CACNA1H: variants seen among roughly 807,000 people sequenced by gnomAD.
CACNA1H encodes calcium voltage-gated channel subunit alpha1 H, also known as voltage-dependent T-type calcium channel subunit alpha-1H.
In CACNA1H, 149 loss-of-function variants were observed where a neutral mutation model predicts 192.5. The ratio of observed to expected loss-of-function variants is 0.77; its 90% CI spans 0.68 to 0.89. The LOEUF (loss-of-function observed/expected upper bound fraction) is 0.89, where lower values mean the gene tolerates loss of function less well. Among genes scored for constraint, CACNA1H ranks in the 40% least tolerant of loss-of-function variants. The pLI, the probability that CACNA1H is intolerant of heterozygous loss-of-function variation, is 0.00. For synonymous variants in CACNA1H, 2,202 were observed against 1,475.2 expected (o/e 1.49, Z -11.29); for missense variants, 4,257 against 3,423.5 (o/e 1.24, Z -6.08).
rs899655295 is a variant in CACNA1H at position 1,220,641 on chromosome 16, G to A, written c.6709G>A (p.Gly2237Ser). 4 of 1,602,800 alleles carry A rather than the reference G, an allele frequency of 2.5e-6. No individual in the cohort carries two copies. Among genetic ancestry groups the A allele is most frequent in the Non-Finnish European group, 3.4e-6 (4 of 1,175,052 alleles). The change falls in exon 35 of 35, where the codon GGC becomes AGC. Residue 2237 changes from glycine (G) to serine (S), a missense_variant. Coordinates refer to ENST00000348261, the MANE Select transcript of CACNA1H (RefSeq NM_021098.3). ...CAGGGACTCCCTGGAGCCCACAGAG[G>A]GCTCAGGCGCCGGGGGGGACCCTGC... ...PHRDSLEPTE[G>S]SGAGGDPAAK...
rs544637947 is a variant in CACNA1H, at chr16:1,190,371, G to A, written c.300-4601G>A. Among the ~76,000 whole-genome samples the A allele has an allele frequency of 2.8e-3, 423 of 152,352 alleles. 2 individuals carry two copies. The highest frequency in any genetic ancestry group is 9.5e-3 in the African/African-American group (395 of 41,590). On this transcript the variant is annotated intron_variant, in intron 2 of 34. Coordinates refer to ENST00000348261, the MANE Select transcript of CACNA1H (RefSeq NM_021098.3). Reference sequence around the variant, plus strand: ...TCACCAGGCTCCGTGCGACACAGCCGGCAGACACTGCCTGTCCTCAGCTGC... The same window carrying A: ...TCACCAGGCTCCGTGCGACACAGCCAGCAGACACTGCCTGTCCTCAGCTGC...
At chr16:1,173,711 C>T (rs2151720065) in intron 2 of CACNA1H, among the ~76,000 whole-genome samples, 1 of 152,346 alleles carries the variant, frequency 6.6e-6, no homozygotes, top group East Asian at 1.9e-4. Context: ...GGGTGGGGCT[C>T]CCCGGCCGCC....
Position 1,201,782 on chromosome 16 carries a change from C to G in CACNA1H, c.1332C>G (p.Asp444Glu), listed in dbSNP as rs746803902. Residue 444 changes from aspartate to glutamate, a missense_variant, in exon 9 of 35, where the codon GAC becomes GAG. Coordinates refer to ENST00000348261, the MANE Select transcript of CACNA1H (RefSeq NM_021098.3). Reference protein sequence around the residue: ...REQRARHLSNDSTLASFSEPG... With the variant: ...REQRARHLSNESTLASFSEPG... ...AGCGGGCACGCCACCTGTCCAACGA[C>G]AGCACGCTGGCCAGCTTCTCCGAGC... The G allele has an allele frequency of 1.9e-6, 3 of 1,601,942 alleles. No individual in the cohort carries two copies. The highest frequency in any genetic ancestry group is 2.6e-6 in the Non-Finnish European group (3 of 1,175,356).
Position 1,211,975 on chromosome 16 carries a change from G to C in CACNA1H, c.4596G>C (p.Leu1532=), listed in dbSNP as rs1420324422. 1 of 1,613,390 alleles carries C rather than the reference G, an allele frequency of 6.2e-7. No homozygotes were observed. Among genetic ancestry groups the C allele is most frequent in the Admixed American group, 1.7e-5 (1 of 60,006 alleles). ...QPVQNHNPWM[L]LYFISFLLIV... is the part of the protein sequence containing the mutation. ...TGCAGAACCACAACCCCTGGATGCT[G>C]CTGTACTTCATCTCCTTCCTGCTCA... The change falls in exon 25 of 35, where the codon CTG becomes CTC. Residue 1532 remains leucine (L), a synonymous_variant. Coordinates refer to ENST00000348261, the MANE Select transcript of CACNA1H (RefSeq NM_021098.3).
At chr16:1,214,411 G>GC (rs1382522867) in intron 27 of CACNA1H, among the ~76,000 whole-genome samples, 3 of 152,154 alleles carry the variant, frequency 2.0e-5, no homozygotes, top group Non-Finnish European at 2.9e-5. Context: ...TTTGTGTGGA[G>GC]CCGAGGATGG....
intron 23 of CACNA1H, 25 bp downstream of exon 23, chr16:1,211,631 C>T (rs1567542190): frequency 3.1e-6 from 5 of 1,609,424 alleles, no homozygotes; most frequent in Middle Eastern, 1.7e-4. Context: ...CGGGCGGGAG[C>T]TGGGGGTCTC....
At chr16:1,215,469 C>T (rs568285237) in intron 29 of CACNA1H, 54 bp from the exon 30 acceptor site, 98 of 1,592,040 alleles carry the variant, frequency 6.2e-5, no homozygotes, top group South Asian at 3.7e-4. Flanking sequence ...CCAGGGTCCC[C>T]GCGCAGCAGG....
rs1341861751 is a variant in CACNA1H, at chr16:1,154,171, G to A, written c.299+135G>A. ...CCTGGCGTGGGCCGGGCGCGCGGGG[G>A]TGCAGGGCAGGGGCTGGAGGACCGC... On this transcript the variant is annotated intron_variant, in intron 2 of 34. Coordinates refer to ENST00000348261, the MANE Select transcript of CACNA1H (RefSeq NM_021098.3). The A allele has an allele frequency of 1.4e-5, 8 of 579,208 alleles. No homozygotes were observed. In the Admixed American group the frequency reaches 2.3e-4, roughly 17 times the overall value. The allele number at this position is 579,208 out of a possible 1,614,324, so 35.9% of individuals were successfully genotyped here. A position where few individuals can be genotyped will look rare whatever the true frequency, so the allele number is the denominator to read the frequency against.
rs776271153 is a variant in CACNA1H at position 1,217,022 on chromosome 16, C to G, written c.5323+12C>G. The G allele has an allele frequency of 3.4e-5, 53 of 1,576,902 alleles. No individual in the cohort carries two copies. The African/African-American group carries it at 5.5e-4, about 16-fold the overall frequency. On this transcript the variant is annotated intron_variant, in intron 31 of 34. Transcript: ENST00000348261. ...GTTCGGGAGGCTGGGTGAGTGGCTC[C>G]TGCGCCCTCCTCCTGGCACACATGG...
Position 1,211,162 on chromosome 16 carries a change from C to A in CACNA1H, c.4224-6C>A. The A allele has an allele frequency of 6.2e-7, 1 of 1,612,572 alleles. No homozygotes were observed. Among genetic ancestry groups the A allele is most frequent in the Non-Finnish European group, 8.5e-7 (1 of 1,179,692 alleles). The stretch of plus-strand genomic sequence containing the variant: ...TGACTGCAGTGTATCCTTCACTCCC[C>A]TCCAGGGTCATCAGCCGGGCCCCGG... On this transcript the variant is annotated splice_region_variant and splice_polypyrimidine_tract_variant and intron_variant, in intron 21 of 34. Coordinates refer to ENST00000348261, the MANE Select transcript of CACNA1H (RefSeq NM_021098.3).
Position 1,211,183 on chromosome 16 carries a change from C to T in CACNA1H, c.4239C>T (p.Ala1413=), listed in dbSNP as rs1278063942. 7 of 1,612,730 alleles carry T rather than the reference C, an allele frequency of 4.3e-6. No individual in the cohort carries two copies. Among genetic ancestry groups the T allele is most frequent in the Non-Finnish European group, 5.9e-6 (7 of 1,179,744 alleles). The change falls in exon 22 of 35, where the codon GCC becomes GCT. Residue 1413 remains alanine (A), a synonymous_variant. Coordinates refer to ENST00000348261, the MANE Select transcript of CACNA1H (RefSeq NM_021098.3). ...TLRPLRVISR[A]PGLKLVVETL... Reference sequence around the variant, plus strand: ...TCCCCTCCAGGGTCATCAGCCGGGCCCCGGGCCTCAAGCTGGTGGTGGAGA... The same window carrying T: ...TCCCCTCCAGGGTCATCAGCCGGGCTCCGGGCCTCAAGCTGGTGGTGGAGA...
intron 2 of CACNA1H, among the ~76,000 whole-genome samples, chr16:1,163,283 G>A (rs1963413369): frequency 6.6e-6 from 1 of 152,256 alleles, no homozygotes; most frequent in South Asian, 2.1e-4. Flanking sequence ...CCAGGTGGGT[G>A]TCGGGCGTTG....
rs115115002 is a variant in CACNA1H, at chr16:1,186,928, G to A, written c.300-8044G>A. On this transcript the variant is annotated intron_variant, in intron 2 of 34. Coordinates refer to ENST00000348261, the MANE Select transcript of CACNA1H (RefSeq NM_021098.3). ...GCGGTTCTGAGTGGGGGTGGACACG[G>A]ACACAGGGCTGGTTCCCGGGGATCT... Among the ~76,000 whole-genome samples the A allele has an allele frequency of 5.4e-3, 816 of 152,286 alleles. 7 individuals are homozygous for A. The highest frequency in any genetic ancestry group is 0.018 in the African/African-American group (749 of 41,558).
chr16:1,200,682 C>T (rs746527382), intron 7 of CACNA1H, 34 bp from the exon 8 acceptor site: 25 of 1,564,336 alleles, frequency 1.6e-5, no homozygotes, highest in Admixed American at 3.7e-5. Flanking sequence ...GAGGAGGGGT[C>T]GTGCGGGCCC....
Position 1,207,422 on chromosome 16 carries a change from C to G in CACNA1H, c.3055C>G (p.Gln1019Glu). ...GGTGGCCATCCTCGTGGAGGGCTTCCAGGCGGAGGTGAGGGGGCAGGGAGA... is the reference window on the plus strand; with the variant it reads ...GGTGGCCATCCTCGTGGAGGGCTTCGAGGCGGAGGTGAGGGGGCAGGGAGA... ...LLVAILVEGF[Q>E]AEGDANRSDT... The change falls in exon 14 of 35, where the codon CAG becomes GAG. Residue 1019 changes from glutamine to glutamate, a missense_variant. Gln to Glu is a conservative substitution (Grantham distance 29, BLOSUM62 2). Coordinates refer to ENST00000348261, the MANE Select transcript of CACNA1H (RefSeq NM_021098.3). The G allele has an allele frequency of 6.2e-7, 1 of 1,612,880 alleles. No homozygotes were observed.
At chr16:1,194,295 C>A (rs1426274618) in intron 2 of CACNA1H, among the ~76,000 whole-genome samples, 2 of 152,208 alleles carry the variant, frequency 1.3e-5, no homozygotes, top group African/African-American at 4.8e-5. Context: ...AGGCTGTTCG[C>A]TGACAAGTTG....
In CACNA1H at chr16:1,153,171, G is replaced by A. The variant is rs943389127; in HGVS notation, c.-318G>A. 3.5e-5 allele frequency: 5 copies of A among 143,050 alleles called. No homozygotes were observed. The highest frequency in any genetic ancestry group is 1.0e-4 in the African/African-American group (4 of 39,720). The allele number at this position is 143,050 out of a possible 1,614,324, so 8.9% of individuals were successfully genotyped here. A position where few individuals can be genotyped will look rare whatever the true frequency, so the allele number is the denominator to read the frequency against. On this transcript the variant is annotated 5_prime_UTR_variant, in exon 1 of 35. Transcript: ENST00000348261. ...CTCGCTCGCTGCCTCACCGGTCCCCGGCCCGCGCCCCGCGCCCCGCGCCCC... is the reference window on the plus strand; with the variant it reads ...CTCGCTCGCTGCCTCACCGGTCCCCAGCCCGCGCCCCGCGCCCCGCGCCCC...
intron 9 of CACNA1H, among the ~76,000 whole-genome samples, 199 bp downstream of exon 9, chr16:1,202,651 C>T (rs777741568): frequency 6.6e-6 from 1 of 152,136 alleles, no homozygotes; most frequent in African/African-American, 2.4e-5. Flanking sequence ...CCAAAGCAAG[C>T]TCCCGGTGGC....
chr16:1,200,615 G>A (rs1379991694), intron 7 of CACNA1H, 44 bp downstream of exon 7: 2 of 1,605,518 alleles, frequency 1.2e-6, no homozygotes, highest in Non-Finnish European at 1.7e-6. Context: ...GGCACGGCAG[G>A]GGAGCGGGTG....
Sources: gnomAD v4.1 joint callset for allele counts (sites outside exome capture counted in the v4.1 genomes callset) on GRCh38, gnomAD v4.1.1 for gene constraint, MANE v1.5 for transcripts, NCBI Gene and HGNC (gene_info 2026-07-23, HGNC 2026-07-21) for gene names.